The following ZNF34 variants were observed in gnomAD, a reference collection of about 807,000 sequenced individuals.
ZNF34 encodes zinc finger protein 34 (KOX 32).
A neutral mutation model predicts 14.4 loss-of-function variants in ZNF34; 8 were observed. The observed-to-expected ratio is 0.55, with a 90% CI of 0.33 to 1.00. ZNF34 has a LOEUF of 1.00. Ranked by LOEUF, ZNF34 falls within the 50% of genes least tolerant of loss-of-function variation. ZNF34 has a pLI of 0.03. For synonymous variants in ZNF34, 235 were observed against 247.9 expected (o/e 0.95, Z 0.49); for missense variants, 538 against 674.2 (o/e 0.80, Z 2.24).
chr8:144,779,440 T>C lies in ZNF34; in HGVS notation c.-55+788A>G, dbSNP rs1330236983. Reference sequence around the variant, plus strand: ...TCTTTGTTCGATCATCAATAAATAGTGTGGGCTCCCAGAGCTTGGTGCCTT... The same window carrying C: ...TCTTTGTTCGATCATCAATAAATAGCGTGGGCTCCCAGAGCTTGGTGCCTT... On this transcript the variant is annotated intron_variant, in intron 2 of 5. Transcript: ENST00000429371. This position sits in a 1 kb window ranked among gnomAD's most constrained non-coding sequence, Gnocchi z 4.1. 6.6e-6 allele frequency among the ~76,000 whole-genome samples: 1 copy of C among 152,178 alleles called. No homozygotes were observed. Among genetic ancestry groups the C allele is most frequent in the Non-Finnish European group, 1.5e-5 (1 of 68,032 alleles).
In ZNF34 at chr8:144,773,991, G is replaced by A. The variant is rs751866980; in HGVS notation, c.895C>T (p.Pro299Ser). Residue 299 changes from proline (P) to serine (S), a missense_variant, in exon 6 of 6, where the codon CCC becomes TCC. Transcript: ENST00000429371. This position sits in a 1 kb window ranked among gnomAD's most constrained non-coding sequence, Gnocchi z 5.4. ...ATCCTCTGGTGCTTCATGAGGTTGGGCCTCCGGGTGAATGTCTTCCCACAC... is the reference window on the plus strand; with the variant it reads ...ATCCTCTGGTGCTTCATGAGGTTGGACCTCCGGGTGAATGTCTTCCCACAC... ...DECGKTFTRR[P>S]NLMKHQRIHT... The A allele has an allele frequency of 6.2e-7, 1 of 1,613,940 alleles. No homozygotes were observed. Among genetic ancestry groups the A allele is most frequent in the Non-Finnish European group, 8.5e-7 (1 of 1,179,972 alleles).
At chr8:144,781,052 T>C (rs1480556906) in intron 1 of ZNF34, among the ~76,000 whole-genome samples, 1 of 149,690 alleles carries the variant, frequency 6.7e-6, no homozygotes, top group East Asian at 2.0e-4. Context: ...AGGAGAATGG[T>C]GTGAACCGGG....
rs561739352 is a variant in ZNF34, at chr8:144,781,537, G to T, written c.-107-1257C>A. ...TCCCAAAGTGCTGGGATTACAGGCA[G>T]GAGCCACCATGACCAGTCGAGATTT... On this transcript the variant is annotated intron_variant, in intron 1 of 5. Transcript: ENST00000429371. 6.9e-4 allele frequency among the ~76,000 whole-genome samples: 105 copies of T among 152,100 alleles called. 1 individual carries two copies. The highest frequency in any genetic ancestry group is 6.8e-3 in the East Asian group (35 of 5,158).
chr8:144,783,734 G>C (rs1826040567), intron 1 of ZNF34, among the ~76,000 whole-genome samples: 1 of 152,202 alleles, frequency 6.6e-6, no homozygotes, highest in African/African-American at 2.4e-5. Context: ...TAAATAGGAG[G>C]GCTCAATAAC....
chr8:144,778,677 T>G (rs992852322), intron 2 of ZNF34, among the ~76,000 whole-genome samples, 152 bp from the exon 3 acceptor site: 1 of 150,186 alleles, frequency 6.7e-6, no homozygotes, highest in African/African-American at 2.5e-5. Flanking sequence ...CTCCCGGACA[T>G]AGACTCCACT....
Position 144,774,469 on chromosome 8 carries a change from C to A in ZNF34, c.417G>T (p.Glu139Asp). Reference sequence around the variant, plus strand: ...GTGTGACTGCCCTGGGGCCTCTCTGCTCCACTAGCTTTTCCAGGCTCCCCT... The same window carrying A: ...GTGTGACTGCCCTGGGGCCTCTCTGATCCACTAGCTTTTCCAGGCTCCCCT... ...KSEGSLEKLVEQRGPRAVTLT... is the reference protein window; with the variant it reads ...KSEGSLEKLVDQRGPRAVTLT... The change falls in exon 6 of 6, where the codon GAG becomes GAT. Residue 139 changes from glutamate (E) to aspartate (D), a missense_variant. This residue lies in a region of ZNF34 where 431 missense variants were observed against 525.7 expected (regional missense o/e 0.82). Coordinates refer to ENST00000429371, the MANE Select transcript of ZNF34 (RefSeq NM_001286769.2). The A allele has an allele frequency of 6.2e-7, 1 of 1,614,004 alleles. No homozygotes were observed. Among genetic ancestry groups the A allele is most frequent in the Non-Finnish European group, 8.5e-7 (1 of 1,179,890 alleles).
intron 1 of ZNF34, among the ~76,000 whole-genome samples, chr8:144,784,568 G>C (rs1826107579): frequency 6.6e-6 from 1 of 151,024 alleles, no homozygotes; most frequent in African/African-American, 2.4e-5. Context: ...GACCAGCCTA[G>C]CTAAGATGGT....
chr8:144,777,967 C>G lies in ZNF34; in HGVS notation c.160+71G>C. 6.3e-7 allele frequency: 1 copy of G among 1,586,502 alleles called. No individual in the cohort carries two copies. The highest frequency in any genetic ancestry group is 8.6e-7 in the Non-Finnish European group (1 of 1,165,918). ...TATCTGTGCCCAGGGGGTGAGGCCC[C>G]TAGCCCAGCCTCTGCTGAGCCCTTA... is the stretch of plus-strand genomic sequence containing the variant. On this transcript the variant is annotated intron_variant, in intron 4 of 5. Coordinates refer to ENST00000429371, the MANE Select transcript of ZNF34 (RefSeq NM_001286769.2). The surrounding 1 kb of genome is among the most constrained non-coding windows in gnomAD (Gnocchi z 4.8).
intron 5 of ZNF34, among the ~76,000 whole-genome samples, chr8:144,775,991 G>A (rs747871009): frequency 3.3e-5 from 5 of 152,172 alleles, no homozygotes; most frequent in Non-Finnish European, 7.3e-5. Flanking sequence ...AACACATTCC[G>A]TGTCTGCACA....
rs1825669407 is a variant in ZNF34 at position 144,778,477 on chromosome 8, G to A, written c.-6C>T. ...GACAGGAACAAGGCCGCCATTGCCT[G>A]AGGGTTGGGCTTTCTGAGGGCAGTG... On this transcript the variant is annotated 5_prime_UTR_variant, in exon 3 of 6. Transcript: ENST00000429371. 3 of 1,593,064 alleles carry A rather than the reference G, an allele frequency of 1.9e-6. No homozygotes were observed. The highest frequency in any genetic ancestry group is 2.6e-6 in the Non-Finnish European group (3 of 1,170,230).
intron 1 of ZNF34, among the ~76,000 whole-genome samples, chr8:144,781,158 T>TAAATAAATAAATAA (rs1195316489): frequency 4.0e-5 from 6 of 148,554 alleles, no homozygotes; most frequent in Non-Finnish European, 8.9e-5. Context: ...AATAAATAAA[T>TAAATAAATAAATAA]AAATAAAAAT....
rs780318067 is a variant in ZNF34, at chr8:144,778,110, G to A, written c.88C>T (p.Arg30Cys). 3.7e-6 allele frequency: 6 copies of A among 1,613,844 alleles called. No individual in the cohort carries two copies. In the African/African-American group the frequency reaches 4.0e-5, roughly 11 times the overall value. ...AGGCCCCTCTGAGCAGGGCCCAGGC[G>A]GCCCCATTCCTCCCGGGAGAGGTAC... ...AVYLSREEWG[R>C]LGPAQRGLYR... The change falls in exon 4 of 6, where the codon CGC becomes TGC. Residue 30 changes from arginine to cysteine, a missense_variant. This residue lies in a region of ZNF34 where 431 missense variants were observed against 525.7 expected (regional missense o/e 0.82). Transcript: ENST00000429371.
In ZNF34 at chr8:144,779,209, GCA is replaced by G. The variant is rs1169887566; in HGVS notation, c.-54-686_-54-685del. ...AAAACCCTCATGGCCTCTGGAATGT[GCA>G]CAGACTTGTTGGTTCCTTGCTTCTT... On this transcript the variant is annotated intron_variant, in intron 2 of 5. Coordinates refer to ENST00000429371, the MANE Select transcript of ZNF34 (RefSeq NM_001286769.2). The surrounding 1 kb of genome is among the most constrained non-coding windows in gnomAD (Gnocchi z 4.1). 6.6e-6 allele frequency among the ~76,000 whole-genome samples: 1 copy of G among 152,144 alleles called. No homozygotes were observed. Among genetic ancestry groups the G allele is most frequent in the Non-Finnish European group, 1.5e-5 (1 of 68,034 alleles).
At chr8:144,786,460 C>G (rs1047558658) in intron 1 of ZNF34, among the ~76,000 whole-genome samples, 1 of 151,244 alleles carries the variant, frequency 6.6e-6, no homozygotes, top group African/African-American at 2.4e-5. Context: ...ATGGTTAAAC[C>G]CCATCTCTAC....
At chr8:144,775,460 C>G (rs1239413815) in intron 5 of ZNF34, among the ~76,000 whole-genome samples, 1 of 152,190 alleles carries the variant, frequency 6.6e-6, no homozygotes, top group Admixed American at 6.5e-5. Context: ...AACCCCAAAC[C>G]TGGACAACTG....
At chr8:144,782,148 C>A (rs1422997547) in intron 1 of ZNF34, among the ~76,000 whole-genome samples, 1 of 152,028 alleles carries the variant, frequency 6.6e-6, no homozygotes, top group Non-Finnish European at 1.5e-5. Flanking sequence ...TTGGTGAAAC[C>A]CCGTCTCTAC....
Position 144,778,445 on chromosome 8 carries a change from T to C in ZNF34, c.27A>G (p.Pro9=). ...CAGGAGGACAGACACTCACCTGGGG[T>C]GGGGCAGACAGGAACAAGGCCGCCA... is the stretch of plus-strand genomic sequence containing the variant. MAALFLSA[P]PQAEVTFEDV... Residue 9 remains proline, a synonymous_variant, in exon 3 of 6, where the codon CCA becomes CCG. Transcript: ENST00000429371. The C allele has an allele frequency of 1.3e-6, 2 of 1,578,036 alleles. No homozygotes were observed. The highest frequency in any genetic ancestry group is 1.7e-6 in the Non-Finnish European group (2 of 1,162,666).
At chr8:144,781,529 T>G (rs1280543804) in intron 1 of ZNF34, among the ~76,000 whole-genome samples, 1 of 152,128 alleles carries the variant, frequency 6.6e-6, no homozygotes. Context: ...GTGCTGGGAT[T>G]ACAGGCAGGA....
At chr8:144,781,461 C>T (rs529392839) in intron 1 of ZNF34, among the ~76,000 whole-genome samples, 102 of 151,922 alleles carry the variant, frequency 6.7e-4, no homozygotes, top group South Asian at 1.0e-3. Context: ...TTTCACCGTG[C>T]TGGCCAGGAT....
Sources: gnomAD v4.1 joint callset for allele counts (sites outside exome capture counted in the v4.1 genomes callset) on GRCh38, gnomAD v4.1.1 for gene constraint, gnomAD v4.1.1 regional missense constraint, Gnocchi (gnomAD v3.1) non-coding constraint, MANE v1.5 for transcripts, NCBI Gene and HGNC (gene_info 2026-07-23, HGNC 2026-07-21) for gene names.